UNC119B: variants seen among roughly 807,000 people sequenced by gnomAD.
UNC119B encodes protein unc-119 homolog B.
Under a neutral mutation model 23.4 loss-of-function variants are expected in UNC119B, and 16 were observed. The observed-to-expected ratio is 0.68, with a 90% CI of 0.46 to 1.04. The LOEUF (loss-of-function observed/expected upper bound fraction) is 1.04. Among genes scored for constraint, UNC119B ranks in the 50% least tolerant of loss-of-function variants. UNC119B has a pLI of 0.00. For synonymous variants in UNC119B, 144 were observed against 145.4 expected (o/e 0.99, Z 0.07); for missense variants, 350 against 361.3 (o/e 0.97, Z 0.25).
In UNC119B at chr12:120,718,439, T is replaced by C. The variant is rs184518899; in HGVS notation, c.643+1397T>C. 6.3e-4 allele frequency among the ~76,000 whole-genome samples: 96 copies of C among 152,278 alleles called. 3 individuals carry two copies. In the South Asian group the frequency reaches 0.011, roughly 17 times the overall value. ...CATTCCCTGCAGGATAGAGAGTTGA[T>C]TGGATAAAGTGTTGAGATAGATCCA... On this transcript the variant is annotated intron_variant, in intron 4 of 4. Coordinates refer to ENST00000344651, the MANE Select transcript of UNC119B (RefSeq NM_001080533.3).
At chr12:120,714,430 C>T (rs1231056906) in intron 2 of UNC119B, among the ~76,000 whole-genome samples, 6 of 152,110 alleles carry the variant, frequency 3.9e-5, no homozygotes, top group African/African-American at 1.4e-4. Context: ...AAGAGCTTCT[C>T]CTGCCTCAGC....
At chr12:120,713,234 G>A in intron 1 of UNC119B, 40 bp from the exon 2 acceptor site, 2 of 1,449,284 alleles carry the variant, frequency 1.4e-6, no homozygotes, top group Non-Finnish European at 1.9e-6. Context: ...TAGTTTTGGA[G>A]GATTATTTAA....
intron 3 of UNC119B, 52 bp downstream of exon 3, chr12:120,716,791 G>A: frequency 6.2e-7 from 1 of 1,606,522 alleles, no homozygotes; most frequent in Non-Finnish European, 8.5e-7. Flanking sequence ...TCACAGAGAA[G>A]AGTGTTTTCG....
chr12:120,718,574 G>A (rs1407632114), intron 4 of UNC119B, among the ~76,000 whole-genome samples: 6 of 152,214 alleles, frequency 3.9e-5, no homozygotes, highest in Non-Finnish European at 5.9e-5. Flanking sequence ...GGAGAAGGCT[G>A]CTGCCGTGTA....
intron 1 of UNC119B, among the ~76,000 whole-genome samples, 172 bp from the exon 2 acceptor site, chr12:120,713,102 C>T (rs1341854243): frequency 6.6e-6 from 1 of 152,116 alleles, no homozygotes; most frequent in Non-Finnish European, 1.5e-5. Flanking sequence ...GTTGGATCCC[C>T]TAATTCTGTC....
At chr12:120,710,872 C>G in intron 1 of UNC119B, 154 bp downstream of exon 1, 2 of 665,020 alleles carry the variant, frequency 3.0e-6, no homozygotes, top group Non-Finnish European at 4.1e-6. Flanking sequence ...CCGGGCTTTG[C>G]TCCCGCCACG....
rs890786169 is a variant in UNC119B, at chr12:120,720,072, C to G, written c.*40C>G. 4 of 1,452,804 alleles carry G rather than the reference C, an allele frequency of 2.8e-6. No homozygotes were observed. Among genetic ancestry groups the G allele is most frequent in the Non-Finnish European group, 3.9e-6 (4 of 1,036,074 alleles). The allele number at this position is 1,452,804 out of a possible 1,614,324, so 90.0% of individuals were successfully genotyped here. ...GATAGGGGAGGTGCTTTGCCGCGGC[C>G]ACAAGATCCTGGCACACGGAGATGA... On this transcript the variant is annotated 3_prime_UTR_variant, in exon 5 of 5. Coordinates refer to ENST00000344651, the MANE Select transcript of UNC119B (RefSeq NM_001080533.3).
Position 120,721,789 on chromosome 12 carries a change from G to C in UNC119B, c.*1757G>C, listed in dbSNP as rs1882909408. ...GCCACTCTCAGAACTGGCGTCCACT[G>C]TAAATCCAGGTGCCTTACGTGTGGC... On this transcript the variant is annotated 3_prime_UTR_variant, in exon 5 of 5. Coordinates refer to ENST00000344651, the MANE Select transcript of UNC119B (RefSeq NM_001080533.3). 6.5e-6 allele frequency: 1 copy of C among 152,696 alleles called. No individual in the cohort carries two copies. 9.5% of individuals were successfully genotyped at this position (152,696 alleles called of 1,614,324 possible).
rs930202350 is a variant in UNC119B at position 120,720,900 on chromosome 12, A to G, written c.*868A>G. On this transcript the variant is annotated 3_prime_UTR_variant, in exon 5 of 5. Coordinates refer to ENST00000344651, the MANE Select transcript of UNC119B (RefSeq NM_001080533.3). Reference sequence around the variant, plus strand: ...TTTCGGGGAGGTTTTATAAAATGACAGTGGTGTTCCCAGCATATGTGATAT... The same window carrying G: ...TTTCGGGGAGGTTTTATAAAATGACGGTGGTGTTCCCAGCATATGTGATAT... 1 of 152,200 alleles carries G rather than the reference A, an allele frequency of 6.6e-6. No individual in the cohort carries two copies. Among genetic ancestry groups the G allele is most frequent in the African/African-American group, 2.4e-5 (1 of 41,430 alleles). 9.4% of individuals were successfully genotyped at this position (152,200 alleles called of 1,614,324 possible).
In UNC119B at chr12:120,722,677, G is replaced by GC. The variant is rs555348338; in HGVS notation, c.*2647dup. Reference sequence around the variant, plus strand: ...CTGCCCCTCCTGCTTCTGTTCCTTTGCCTTGCAGTCTCCTGGAGAGAGCCT... The same window carrying GC: ...CTGCCCCTCCTGCTTCTGTTCCTTTGCCCTTGCAGTCTCCTGGAGAGAGCCT... On this transcript the variant is annotated 3_prime_UTR_variant, in exon 5 of 5. Coordinates refer to ENST00000344651, the MANE Select transcript of UNC119B (RefSeq NM_001080533.3). 6.8e-3 allele frequency: 1,041 copies of GC among 152,310 alleles called. 9 individuals carry two copies. The highest frequency in any genetic ancestry group is 8.9e-3 in the Non-Finnish European group (608 of 68,028). 9.4% of individuals were successfully genotyped at this position (152,310 alleles called of 1,614,324 possible).
At chr12:120,713,812 G>T (rs1882717464) in intron 2 of UNC119B, among the ~76,000 whole-genome samples, 1 of 152,200 alleles carries the variant, frequency 6.6e-6, no homozygotes, top group Non-Finnish European at 1.5e-5. Flanking sequence ...CCTGAGCCTG[G>T]TGCCCTCTTG....
At chr12:120,715,886 C>T (rs898580218) in intron 2 of UNC119B, among the ~76,000 whole-genome samples, 3 of 152,098 alleles carry the variant, frequency 2.0e-5, no homozygotes, top group Non-Finnish European at 4.4e-5. Flanking sequence ...TGGACTAGAC[C>T]GGAGACCAGC....
In UNC119B at chr12:120,716,868, A is replaced by C; in HGVS notation, c.471-2A>C. 2 of 1,607,728 alleles carry C rather than the reference A, an allele frequency of 1.2e-6. No homozygotes were observed. The highest frequency in any genetic ancestry group is 1.7e-6 in the Non-Finnish European group (2 of 1,175,146). ...TCGGGCTTACAGAGATTTATTTTCC[A>C]GGGTGGAGTTCACAGTGGGAGACAA... On this transcript the variant is annotated splice_acceptor_variant, in intron 3 of 4. Transcript: ENST00000344651. LOFTEE classifies it high-confidence loss of function.
Position 120,713,365 on chromosome 12 carries a change from G to C in UNC119B, c.336G>C (p.Glu112Asp). The C allele has an allele frequency of 1.2e-6, 2 of 1,614,084 alleles. No homozygotes were observed. Among genetic ancestry groups the C allele is most frequent in the South Asian group, 2.2e-5 (2 of 91,080 alleles). ...TGGAGACAGGGACAGTACTTTTTGA[G>C]ATTGCCAAACCTTGCGTTTCAGGTA... is the stretch of plus-strand genomic sequence containing the variant. ...RDLETGTVLF[E>D]IAKPCVSDQE... Residue 112 changes from glutamate to aspartate, a missense_variant, in exon 2 of 5, where the codon GAG becomes GAC. By Grantham distance (45) the Glu-to-Asp change is conservative. Transcript: ENST00000344651.
intron 1 of UNC119B, among the ~76,000 whole-genome samples, chr12:120,712,829 C>G (rs891503154): frequency 6.6e-6 from 1 of 152,178 alleles, no homozygotes; most frequent in African/African-American, 2.4e-5. Context: ...GAATCTGGCT[C>G]TACAGAAAAG....
At chr12:120,717,896 A>G (rs1592928414) in intron 4 of UNC119B, among the ~76,000 whole-genome samples, 1 of 131,464 alleles carries the variant, frequency 7.6e-6, no homozygotes, top group African/African-American at 2.9e-5. Flanking sequence ...TTTGAGACGG[A>G]GTCTTGATCT....
chr12:120,721,190 G>C lies in UNC119B; in HGVS notation c.*1158G>C, dbSNP rs535093535. ...ATCAGAGTTACGTAATGCAGTCTGA[G>C]CCTTCAGACTGCTAGTTAGAATTGT... On this transcript the variant is annotated 3_prime_UTR_variant, in exon 5 of 5. Transcript: ENST00000344651. 2.6e-5 allele frequency: 4 copies of C among 152,336 alleles called. No individual in the cohort carries two copies. The South Asian group carries it at 8.3e-4, about 32-fold the overall frequency. 9.4% of individuals were successfully genotyped at this position (152,336 alleles called of 1,614,324 possible).
chr12:120,711,159 A>C, intron 1 of UNC119B: 1 of 154,156 alleles, frequency 6.5e-6, no homozygotes, highest in Non-Finnish European at 1.4e-5. Context: ...CAGAAGCCTT[A>C]CCTGCTTCCT....
chr12:120,716,173 G>A (rs996975208), intron 2 of UNC119B, among the ~76,000 whole-genome samples: 5 of 152,178 alleles, frequency 3.3e-5, no homozygotes, highest in Non-Finnish European at 5.9e-5. Context: ...TTGGTTAACT[G>A]CAGACCTAGT....
Sources: allele counts gnomAD v4.1 joint callset (sites outside exome capture counted in the v4.1 genomes callset), GRCh38; gene constraint gnomAD v4.1.1; transcripts MANE v1.5; gene names NCBI Gene and HGNC (gene_info 2026-07-23, HGNC 2026-07-21).